The following GAREM2 variants were observed in gnomAD, a reference collection of about 807,000 sequenced individuals.
GAREM2 encodes GRB2-associated and regulator of MAPK protein 2.
GAREM2 carries 30 observed loss-of-function variants against 55.6 expected under a neutral mutation model. That is an observed-to-expected ratio of 0.54 (90% CI 0.40 to 0.73). The LOEUF (loss-of-function observed/expected upper bound fraction) is 0.73. Among genes scored for constraint, GAREM2 ranks in the 30% least tolerant of loss-of-function variants. The pLI is 0.00. For synonymous variants in GAREM2, 550 were observed against 569.1 expected (o/e 0.97, Z 0.48); for missense variants, 1,075 against 1,257.7 (o/e 0.85, Z 2.20).
chr2:26,184,686 C>A lies in GAREM2; in HGVS notation c.838C>A (p.Leu280Met). 1 of 1,542,232 alleles carries A rather than the reference C, an allele frequency of 6.5e-7. No homozygotes were observed. Residue 280 changes from leucine to methionine, a missense_variant, in exon 4 of 6, where the codon CTG becomes ATG. Leu to Met is a conservative substitution (Grantham distance 15). Around this residue, in one of 6 missense-constraint regions of GAREM2, gnomAD observed 170 missense variants for 220.7 expected, o/e 0.77. Coordinates refer to ENST00000401533, the MANE Select transcript of GAREM2 (RefSeq NM_001168241.2). ...CCGGCCGCCGCGCAACCCCTACGAC[C>A]TGCACCCGGTGCGGGAGGGTCATTG... is the stretch of plus-strand genomic sequence containing the variant. ...PSRPPRNPYD[L>M]HPVREGHCYK...
chr2:26,185,341 C>T (rs1669214634), intron 4 of GAREM2, 65 bp downstream of exon 4: 5 of 1,424,420 alleles, frequency 3.5e-6, no homozygotes, highest in South Asian at 1.4e-5. Flanking sequence ...TTCTCCTGGG[C>T]CCCGGCCCCG....
intron 3 of GAREM2, among the ~76,000 whole-genome samples, chr2:26,183,811 C>T (rs1669132864): frequency 6.6e-6 from 1 of 152,218 alleles, no homozygotes; most frequent in South Asian, 2.1e-4. Flanking sequence ...TTTTCTTATC[C>T]ATCAATTCAT....
At position 26,187,495 on chromosome 2, in the gene GAREM2, G is replaced by C. The variant is rs4665834; in HGVS notation, c.1863G>C (p.Gln621His). 2 of 1,545,942 alleles carry C rather than the reference G, an allele frequency of 1.3e-6. No individual in the cohort carries two copies. The highest frequency in any genetic ancestry group is 2.7e-5 in the African/African-American group (2 of 72,950). Reference sequence around the variant, plus strand: ...CTCTATTCAAGCCCTCACATCCCCAGAAGCGCTTTGCTCCGTTTGGAGCTC... The same window carrying C: ...CTCTATTCAAGCCCTCACATCCCCACAAGCGCTTTGCTCCGTTTGGAGCTC... ...CPPLFKPSHP[Q>H]KRFAPFGALN... Residue 621 changes from glutamine to histidine, a missense_variant, in exon 6 of 6, where the codon CAG becomes CAC. Physicochemically the swap from Gln to His is conservative, Grantham distance 24. Transcript: ENST00000401533.
At position 26,185,541 on chromosome 2, in the gene GAREM2, A is replaced by G. The variant is rs1042737222; in HGVS notation, c.1428+265A>G. On this transcript the variant is annotated intron_variant, in intron 4 of 5. Transcript: ENST00000401533. ...TTGAGAGGAGCCCCGAAGCACTGTT[A>G]CCCAGAAGGTACCACAGAACAGGGG... 2.6e-5 allele frequency among the ~76,000 whole-genome samples: 4 copies of G among 152,154 alleles called. No individual in the cohort carries two copies. In the South Asian group the frequency reaches 8.3e-4, roughly 32 times the overall value.
chr2:26,178,951 C>A (rs552030684), intron 2 of GAREM2, among the ~76,000 whole-genome samples: 32 of 110,762 alleles, frequency 2.9e-4, no homozygotes, highest in Admixed American at 2.8e-4. Flanking sequence ...AACGAGGAGG[C>A]GCTGAGTGCA....
chr2:26,192,522 C>T (rs1669538619), downstream of GAREM2: 1 of 771,048 alleles, frequency 1.3e-6, no homozygotes, highest in Admixed American at 1.8e-5. Flanking sequence ...CGTGGTGGCT[C>T]ACGCCTGTAA....
chr2:26,192,540 A>T (rs1669538976), downstream of GAREM2: 1 of 735,944 alleles, frequency 1.4e-6, no homozygotes, highest in Admixed American at 1.8e-5. Flanking sequence ...TAATCCCAGC[A>T]CTTTGGGAGG....
At chr2:26,193,860 T>A (rs1669584921), downstream of GAREM2, 7 of 1,017,234 alleles carry the variant, frequency 6.9e-6, no homozygotes, top group South Asian at 9.0e-5. Flanking sequence ...AACACTGCCT[T>A]GTGTAAAACC....
At chr2:26,191,469 C>T (rs2147749175), downstream of GAREM2, 1 of 1,614,198 alleles carries the variant, frequency 6.2e-7, no homozygotes, top group East Asian at 2.2e-5. Flanking sequence ...TCCTTCCCAA[C>T]CTGCGAGACC....
In GAREM2 at chr2:26,179,823, C is replaced by A. The variant is rs1017381698; in HGVS notation, c.254-3144C>A. Among the ~76,000 whole-genome samples, 25 of 152,266 alleles carry A rather than the reference C, an allele frequency of 1.6e-4. No individual in the cohort carries two copies. Among genetic ancestry groups the A allele is most frequent in the African/African-American group, 5.8e-4 (24 of 41,558 alleles). Reference sequence around the variant, plus strand: ...GCCATGGTTACATCGATCTTTCCTGCCACATCCTCCCCCAGCTCCAGCCCT... The same window carrying A: ...GCCATGGTTACATCGATCTTTCCTGACACATCCTCCCCCAGCTCCAGCCCT... On this transcript the variant is annotated intron_variant, in intron 2 of 5. Coordinates refer to ENST00000401533, the MANE Select transcript of GAREM2 (RefSeq NM_001168241.2). This position sits in a 1 kb window ranked among gnomAD's most constrained non-coding sequence, Gnocchi z 4.7.
intron 2 of GAREM2, chr2:26,181,276 T>G: frequency 6.2e-6 from 2 of 320,298 alleles, no homozygotes; most frequent in Non-Finnish European, 9.0e-6. Flanking sequence ...CCCTAAGTCC[T>G]TCCCTGCAGG....
intron 3 of GAREM2, among the ~76,000 whole-genome samples, chr2:26,183,394 G>A (rs1308517840): frequency 6.6e-6 from 1 of 152,224 alleles, no homozygotes; most frequent in Non-Finnish European, 1.5e-5. Flanking sequence ...CCCACTTGTA[G>A]AGGCGGTGGT....
At chr2:26,173,641 C>G (rs1164077012) in intron 1 of GAREM2, among the ~76,000 whole-genome samples, 6 of 146,974 alleles carry the variant, frequency 4.1e-5, no homozygotes, top group Admixed American at 2.7e-4. Flanking sequence ...GCCCCCCTTT[C>G]CCCCGCTGCC....
intron 2 of GAREM2, chr2:26,182,429 G>A: frequency 6.5e-7 from 1 of 1,550,368 alleles, no homozygotes; most frequent in African/African-American, 1.4e-5. Context: ...CCAGGCCCTG[G>A]TTGGCCCAGT....
Position 26,188,311 on chromosome 2 carries a change from A to T in GAREM2, c.*54A>T. 7.5e-7 allele frequency: 1 copy of T among 1,333,742 alleles called. No homozygotes were observed. The highest frequency in any genetic ancestry group is 1.7e-5 in the South Asian group (1 of 59,754). 82.6% of individuals were successfully genotyped at this position (1,333,742 alleles called of 1,614,324 possible). ...ATGCTGGTATGGGGGCCCCAGGTACAGCACTCCGGAGGAGCAGGTGCTGCC... is the reference window on the plus strand; with the variant it reads ...ATGCTGGTATGGGGGCCCCAGGTACTGCACTCCGGAGGAGCAGGTGCTGCC... On this transcript the variant is annotated 3_prime_UTR_variant, in exon 6 of 6. Transcript: ENST00000401533.
intron 3 of GAREM2, 93 bp downstream of exon 3, chr2:26,183,190 C>T: frequency 1.4e-6 from 2 of 1,417,680 alleles, no homozygotes; most frequent in Non-Finnish European, 1.9e-6. Context: ...CCTCAGGATC[C>T]AAGAAGGAGA....
rs1413871179 is a variant in GAREM2 at position 26,183,025 on chromosome 2, C to T, written c.312C>T (p.Ser104=). The change falls in exon 3 of 6, where the codon AGC becomes AGT. Residue 104 remains serine, a synonymous_variant. Coordinates refer to ENST00000401533, the MANE Select transcript of GAREM2 (RefSeq NM_001168241.2). ...TGCGGGAGCCAGTGAGGTACTTCAG[C>T]AGCGTGGAGGAGGTGGCCAGTGTCT... The part of the protein sequence containing the change: ...RDVREPVRYF[S]SVEEVASVFP... 1.9e-6 allele frequency: 3 copies of T among 1,551,628 alleles called. No individual in the cohort carries two copies. The highest frequency in any genetic ancestry group is 2.6e-6 in the Non-Finnish European group (3 of 1,146,986).
At chr2:26,183,209 T>G in intron 3 of GAREM2, 112 bp downstream of exon 3, 1 of 1,223,542 alleles carries the variant, frequency 8.2e-7, no homozygotes, top group Non-Finnish European at 1.1e-6. Context: ...GAGCGGCTCC[T>G]GGGGACCCCT....
chr2:26,201,011 C>G, the GAREM2 span: 1 of 734,166 alleles, frequency 1.4e-6, no homozygotes, highest in Non-Finnish European at 2.4e-6. Flanking sequence ...GGATTATAGG[C>G]GTGAGCCACC....
Sources: allele counts gnomAD v4.1 joint callset (sites outside exome capture counted in the v4.1 genomes callset), GRCh38; gene constraint gnomAD v4.1.1; regional missense constraint gnomAD v4.1.1; non-coding constraint Gnocchi (gnomAD v3.1); transcripts MANE v1.5; gene names NCBI Gene and HGNC (gene_info 2026-07-23, HGNC 2026-07-21).